GC: variants seen among roughly 807,000 people sequenced by gnomAD.
The protein encoded by GC is GC vitamin D binding protein, also known as vitamin D-binding protein.
A neutral mutation model predicts 56.7 loss-of-function variants in GC; 43 were observed. The observed-to-expected ratio is 0.76, with a 90% CI of 0.59 to 0.98. The LOEUF is 0.98. GC is among the 50% of genes least tolerant of loss of function. The probability of loss-of-function intolerance (pLI) is 0.00; values close to 1 mark genes in which losing one functional copy is unlikely to be tolerated. For synonymous variants in GC, 216 were observed against 202.7 expected, an observed-to-expected ratio of 1.07 and a Z score of -0.56; for missense variants, 529 against 545.9, an observed-to-expected ratio of 0.97 and a Z score of 0.31.
chr4:71,789,948 A>G (rs1395776087), intron 1 of GC, among the ~76,000 whole-genome samples: 2 of 151,982 alleles, frequency 1.3e-5, no homozygotes, highest in African/African-American at 4.8e-5. Flanking sequence ...AAGGGCAAGA[A>G]AATGGAAAGG....
At chr4:71,790,538 T>G (rs843009) in intron 1 of GC, among the ~76,000 whole-genome samples, 104,941 of 151,508 alleles carry the variant, frequency 0.69, 38,802 homozygotes, top group South Asian at 0.83. Context: ...TTCATATGTT[T>G]GCTTTCTACT....
chr4:71,784,246 G>A, upstream of GC: 3 of 1,219,116 alleles, frequency 2.5e-6, no homozygotes, highest in Non-Finnish European at 3.1e-6. Flanking sequence ...AGACACCCTG[G>A]GGATACTGTA....
Position 71,784,075 on chromosome 4 carries a change from G to A in GC, c.-57C>T, listed in dbSNP as rs771004579. On this transcript the variant is annotated 5_prime_UTR_variant, in exon 1 of 13. Transcript: ENST00000273951. ...CTCTCCTGTAGGTGACCATGTAAAA[G>A]TGGTAGCCAAAAGTAATTGGTTTCC... is the stretch of plus-strand genomic sequence containing the variant. 1.7e-5 allele frequency: 26 copies of A among 1,557,804 alleles called. No homozygotes were observed. In the African/African-American group the frequency reaches 3.2e-4, roughly 19 times the overall value.
intron 6 of GC, 51 bp downstream of exon 6, chr4:71,763,357 A>G: frequency 2.2e-6 from 2 of 905,534 alleles, no homozygotes; most frequent in East Asian, 2.5e-5. Flanking sequence ...TATTATGGAT[A>G]GACAGTGCAG....
intron 10 of GC, among the ~76,000 whole-genome samples, chr4:71,753,201 C>T (rs1741611349): frequency 6.6e-6 from 1 of 152,112 alleles, no homozygotes. Flanking sequence ...TTGATATCTC[C>T]TGATTCTTTC....
At chr4:71,786,915 G>T (rs1191438211), upstream of GC, among the ~76,000 whole-genome samples, 1 of 151,734 alleles carries the variant, frequency 6.6e-6, no homozygotes, top group Non-Finnish European at 1.5e-5. Context: ...ATCTTTTCCT[G>T]ATAAATGACC....
intron 1 of GC, among the ~76,000 whole-genome samples, chr4:71,772,333 G>A (rs1742368553): frequency 6.6e-6 from 1 of 152,110 alleles, no homozygotes; most frequent in Admixed American, 6.6e-5. Flanking sequence ...ATTTTTATTA[G>A]TACTTCTCTT....
intron 1 of GC, among the ~76,000 whole-genome samples, chr4:71,798,718 C>A (rs1743173317): frequency 6.6e-6 from 1 of 152,146 alleles, no homozygotes; most frequent in Admixed American, 6.5e-5. Context: ...TATAGTCTTC[C>A]AAGGTCTAGT....
At chr4:71,771,445 C>A (rs907455566) in intron 1 of GC, among the ~76,000 whole-genome samples, 3 of 151,564 alleles carry the variant, frequency 2.0e-5, no homozygotes, top group Admixed American at 6.6e-5. Context: ...TGGATGGATA[C>A]CCCCCCAAAA....
rs112961993 is a variant in GC at position 71,768,434 on chromosome 4, C to T, written c.129-1G>A. Reference sequence around the variant, plus strand: ...TTTTCTACTGTACAGGACTAGTGACCTGAGGGGAAAATAAGACAATATATC... The same window carrying T: ...TTTTCTACTGTACAGGACTAGTGACTTGAGGGGAAAATAAGACAATATATC... On this transcript the variant is annotated splice_acceptor_variant, in intron 2 of 12. Coordinates refer to ENST00000273951, the MANE Select transcript of GC (RefSeq NM_000583.4). LOFTEE classifies it high-confidence loss of function. 1.3e-6 allele frequency: 2 copies of T among 1,599,756 alleles called. No individual in the cohort carries two copies. Among genetic ancestry groups the T allele is most frequent in the Non-Finnish European group, 1.7e-6 (2 of 1,174,210 alleles).
intron 6 of GC, among the ~76,000 whole-genome samples, chr4:71,760,542 T>C (rs1385968868): frequency 1.3e-5 from 2 of 152,130 alleles, no homozygotes; most frequent in African/African-American, 4.8e-5. Flanking sequence ...GCATAGAAAC[T>C]ATCAAAATTA....
intron 1 of GC, among the ~76,000 whole-genome samples, chr4:71,796,723 A>G (rs1021034597): frequency 6.6e-6 from 1 of 152,136 alleles, no homozygotes; most frequent in Non-Finnish European, 1.5e-5. Context: ...AGGAGCTGCA[A>G]TCCTTTGGAG....
intron 4 of GC, among the ~76,000 whole-genome samples, chr4:71,765,093 T>C (rs1224670430): frequency 6.6e-6 from 1 of 152,234 alleles, no homozygotes; most frequent in South Asian, 2.1e-4. Flanking sequence ...AAATTGCTTC[T>C]ATCATATGAC....
intron 1 of GC, among the ~76,000 whole-genome samples, chr4:71,779,514 G>A (rs893694101): frequency 3.3e-5 from 5 of 151,928 alleles, no homozygotes; most frequent in Middle Eastern, 6.8e-3. Context: ...TAGAGTGTGA[G>A]ATAATGTGGA....
chr4:71,768,482 T>G (rs1742240550), intron 2 of GC, 49 bp from the exon 3 acceptor site: 2 of 1,547,140 alleles, frequency 1.3e-6, no homozygotes, highest in African/African-American at 1.4e-5. Context: ...AAGGTTTTTT[T>G]TTTTGAGACG....
At chr4:71,793,455 C>G (rs892302486) in intron 1 of GC, among the ~76,000 whole-genome samples, 1 of 151,956 alleles carries the variant, frequency 6.6e-6, no homozygotes, top group African/African-American at 2.4e-5. Flanking sequence ...ATTTGGCTCT[C>G]TGTTTATTAC....
At chr4:71,771,000 T>C (rs1742324124) in intron 1 of GC, among the ~76,000 whole-genome samples, 1 of 152,172 alleles carries the variant, frequency 6.6e-6, no homozygotes, top group South Asian at 2.1e-4. Context: ...AGTGTTCTCC[T>C]AACCTGACTC....
At chr4:71,762,777 G>A (rs554102118) in intron 6 of GC, among the ~76,000 whole-genome samples, 14 of 152,238 alleles carry the variant, frequency 9.2e-5, no homozygotes, top group South Asian at 6.2e-4. Flanking sequence ...TGCCATCCAC[G>A]TAAGATGTGA....
rs548551936 is a variant in GC at position 71,773,525 on chromosome 4, C to T, written c.59-4125G>A. Among the ~76,000 whole-genome samples the T allele has an allele frequency of 4.6e-5, 7 of 152,172 alleles. No homozygotes were observed. In the East Asian group the frequency reaches 9.7e-4, roughly 21 times the overall value. ...CTTACAATGGAACCCAAAATAGACA[C>T]ATCCTTGCCCTCATGTAACTTTCGT... On this transcript the variant is annotated intron_variant, in intron 1 of 12. Transcript: ENST00000273951.
Sources: allele counts gnomAD v4.1 joint callset (sites outside exome capture counted in the v4.1 genomes callset), GRCh38; gene constraint gnomAD v4.1.1; transcripts MANE v1.5; gene names NCBI Gene and HGNC (gene_info 2026-07-23, HGNC 2026-07-21).